TNFRSF19: variants seen among roughly 807,000 people sequenced by gnomAD.
The protein encoded by TNFRSF19 is tumor necrosis factor receptor superfamily member 19.
Under a neutral mutation model 46.4 loss-of-function variants are expected in TNFRSF19, and 27 were observed. The ratio of observed to expected loss-of-function variants is 0.58; its 90% CI spans 0.43 to 0.80. The LOEUF is 0.80. Ranked by LOEUF, TNFRSF19 falls within the 30% of genes least tolerant of loss-of-function variation. The pLI, the probability that TNFRSF19 is intolerant of heterozygous loss-of-function variation, is 0.00. For synonymous variants in TNFRSF19, 204 were observed against 205.0 expected (o/e 1.00, Z 0.04); for missense variants, 511 against 530.8 (o/e 0.96, Z 0.37).
intron 5 of TNFRSF19, among the ~76,000 whole-genome samples, chr13:23,643,563 A>G (rs1196630519): frequency 1.3e-5 from 2 of 152,252 alleles, no homozygotes; most frequent in African/African-American, 4.8e-5. Flanking sequence ...CAGAACGGAT[A>G]TAAACATCTC....
chr13:23,593,490 G>A lies in TNFRSF19; in HGVS notation c.180+35G>A, dbSNP rs1042281086. On this transcript the variant is annotated intron_variant, in intron 3 of 9. Coordinates refer to ENST00000248484, the MANE Select transcript of TNFRSF19 (RefSeq NM_148957.4). Reference sequence around the variant, plus strand: ...ATACATGGCAAAGTTGTGTATCTGTGTTTGTAAAATGCATTCGTCTTAACT... The same window carrying A: ...ATACATGGCAAAGTTGTGTATCTGTATTTGTAAAATGCATTCGTCTTAACT... 15 of 1,405,188 alleles carry A rather than the reference G, an allele frequency of 1.1e-5. No individual in the cohort carries two copies. The African/African-American group carries it at 2.0e-4, about 19-fold the overall frequency. The allele number at this position is 1,405,188 out of a possible 1,614,324, so 87.0% of individuals were successfully genotyped here.
intron 5 of TNFRSF19, among the ~76,000 whole-genome samples, chr13:23,653,333 C>G (rs964060327): frequency 6.6e-6 from 1 of 152,174 alleles, no homozygotes; most frequent in Non-Finnish European, 1.5e-5. Flanking sequence ...TAACGACGAG[C>G]CTGGTGGGTG....
intron 4 of TNFRSF19, among the ~76,000 whole-genome samples, chr13:23,618,416 A>G (rs1001814910): frequency 1.3e-5 from 2 of 152,230 alleles, no homozygotes; most frequent in African/African-American, 2.4e-5. Flanking sequence ...ATCATTAACA[A>G]TCAGGGAAAT....
At chr13:23,646,712 C>T (rs1286134048) in intron 5 of TNFRSF19, among the ~76,000 whole-genome samples, 1 of 152,198 alleles carries the variant, frequency 6.6e-6, no homozygotes, top group African/African-American at 2.4e-5. Flanking sequence ...GTTGTTTCCA[C>T]CTTTTGGCTA....
intron 3 of TNFRSF19, among the ~76,000 whole-genome samples, chr13:23,613,716 T>C (rs1317475586): frequency 1.3e-5 from 2 of 152,198 alleles, no homozygotes; most frequent in African/African-American, 4.8e-5. Context: ...CACGTGCACC[T>C]GTGCCTTGAT....
At chr13:23,614,389 T>C (rs974093595) in intron 3 of TNFRSF19, among the ~76,000 whole-genome samples, 1 of 152,194 alleles carries the variant, frequency 6.6e-6, no homozygotes, top group Non-Finnish European at 1.5e-5. Flanking sequence ...TTCATTTAAT[T>C]TTTGGCCAAT....
chr13:23,639,305 A>C lies in TNFRSF19; in HGVS notation c.445+12513A>C, dbSNP rs781585918. Among the ~76,000 whole-genome samples, 6 of 152,304 alleles carry C rather than the reference A, an allele frequency of 3.9e-5. No individual in the cohort carries two copies. The Middle Eastern group carries it at 0.017, about 432-fold the overall frequency. ...CTACTCAGGAGGTTAAGACAGGAGAATCATTTGAACCCGGGAGGCAGAGGT... is the reference window on the plus strand; with the variant it reads ...CTACTCAGGAGGTTAAGACAGGAGACTCATTTGAACCCGGGAGGCAGAGGT... On this transcript the variant is annotated intron_variant, in intron 5 of 9. Transcript: ENST00000248484.
intron 5 of TNFRSF19, among the ~76,000 whole-genome samples, chr13:23,652,661 G>C (rs1336704988): frequency 6.6e-6 from 1 of 152,154 alleles, no homozygotes; most frequent in Non-Finnish European, 1.5e-5. Context: ...ACTGTTCTTT[G>C]CTCCAGCTGT....
intron 4 of TNFRSF19, among the ~76,000 whole-genome samples, chr13:23,618,580 C>T (rs1473116564): frequency 6.6e-6 from 1 of 152,176 alleles, no homozygotes; most frequent in Non-Finnish European, 1.5e-5. Flanking sequence ...GCAAAGGGTA[C>T]AGCCAGGTTG....
intron 5 of TNFRSF19, among the ~76,000 whole-genome samples, chr13:23,631,263 A>T (rs911308632): frequency 4.6e-5 from 7 of 152,196 alleles, no homozygotes; most frequent in Non-Finnish European, 7.3e-5. Flanking sequence ...AAAACAGAGC[A>T]TTTGCAGCAT....
chr13:23,644,531 C>T (rs1883217998), intron 5 of TNFRSF19, among the ~76,000 whole-genome samples: 1 of 152,190 alleles, frequency 6.6e-6, no homozygotes, highest in East Asian at 1.9e-4. Flanking sequence ...AACTGTGAGT[C>T]AATTAAACCT....
intron 5 of TNFRSF19, among the ~76,000 whole-genome samples, chr13:23,641,284 G>A (rs1883021634): frequency 6.6e-6 from 1 of 152,230 alleles, no homozygotes; most frequent in African/African-American, 2.4e-5. Context: ...TCTGAGAGCT[G>A]TCTATGTAAT....
intron 7 of TNFRSF19, among the ~76,000 whole-genome samples, chr13:23,665,868 C>T (rs1951622967): frequency 6.6e-6 from 1 of 152,154 alleles, no homozygotes; most frequent in Non-Finnish European, 1.5e-5. Flanking sequence ...ATTCTGAAAA[C>T]TTCTGTTGCA....
At chr13:23,655,458 C>T (rs1019831829) in intron 5 of TNFRSF19, among the ~76,000 whole-genome samples, 1 of 152,150 alleles carries the variant, frequency 6.6e-6, no homozygotes, top group Middle Eastern at 3.2e-3. Context: ...GCATGTGGAC[C>T]TTCCTATTTC....
intron 5 of TNFRSF19, among the ~76,000 whole-genome samples, chr13:23,653,473 T>C (rs1883779177): frequency 6.6e-6 from 1 of 151,980 alleles, no homozygotes; most frequent in Non-Finnish European, 1.5e-5. Context: ...GGGCAGTGGG[T>C]AGGAAGTGCT....
intron 1 of TNFRSF19, among the ~76,000 whole-genome samples, chr13:23,581,303 A>G (rs1230328414): frequency 2.7e-5 from 4 of 150,318 alleles, no homozygotes; most frequent in Non-Finnish European, 5.9e-5. Flanking sequence ...CCGCCACCAC[A>G]CCCGGCTAAT....
intron 3 of TNFRSF19, among the ~76,000 whole-genome samples, chr13:23,597,838 A>G (rs549650515): frequency 3.3e-5 from 5 of 152,234 alleles, no homozygotes; most frequent in Non-Finnish European, 7.3e-5. Flanking sequence ...CATCAATGCG[A>G]AAATCCTCAA....
At chr13:23,626,910 A>T in intron 5 of TNFRSF19, 118 bp downstream of exon 5, 1 of 891,228 alleles carries the variant, frequency 1.1e-6, no homozygotes, top group South Asian at 1.6e-5. Context: ...TGTGGGGTGT[A>T]CAGTGTGTCC....
intron 1 of TNFRSF19, among the ~76,000 whole-genome samples, chr13:23,574,429 T>C (rs988096441): frequency 2.6e-5 from 4 of 151,544 alleles, no homozygotes; most frequent in Non-Finnish European, 5.9e-5. Context: ...GCAAACATTA[T>C]AGCCAAAATT....
Sources: allele counts gnomAD v4.1 joint callset (sites outside exome capture counted in the v4.1 genomes callset), GRCh38; gene constraint gnomAD v4.1.1; transcripts MANE v1.5; gene names NCBI Gene and HGNC (gene_info 2026-07-23, HGNC 2026-07-21).